RTN4: variants seen among roughly 807,000 people sequenced by gnomAD.
The protein encoded by RTN4 is reticulon-4.
In RTN4, 32 loss-of-function variants were observed where a neutral mutation model predicts 90.4. The ratio of observed to expected loss-of-function variants is 0.35; its 90% CI spans 0.27 to 0.48. The LOEUF is 0.48. RTN4 is among the 20% of genes least tolerant of loss of function. The probability of loss-of-function intolerance (pLI) is 0.99; values close to 1 mark genes in which losing one functional copy is unlikely to be tolerated. For synonymous variants in RTN4, 629 were observed against 552.5 expected (o/e 1.14, Z -1.94); for missense variants, 1,706 against 1,430.2 (o/e 1.19, Z -3.11).
intron 3 of RTN4, among the ~76,000 whole-genome samples, chr2:55,000,794 T>C (rs1044635407): frequency 3.9e-5 from 6 of 152,166 alleles, no homozygotes; most frequent in African/African-American, 1.2e-4. Context: ...TACTTGAGAA[T>C]ACCAAATGCT....
intron 1 of RTN4, among the ~76,000 whole-genome samples, chr2:55,033,203 AAGAT>A (rs1271526774): frequency 6.6e-6 from 1 of 152,160 alleles, no homozygotes; most frequent in Non-Finnish European, 1.5e-5. Flanking sequence ...CTGAAAATCA[AAGAT>A]AGAGACAACC....
the RTN4 span, among the ~76,000 whole-genome samples, chr2:55,132,236 C>T: frequency 6.6e-6 from 1 of 152,188 alleles, no homozygotes; most frequent in African/African-American, 2.4e-5. Context: ...GGCGCAGTGG[C>T]TCATGCTTGC....
chr2:55,047,755 C>CT (rs1350283285), intron 1 of RTN4, among the ~76,000 whole-genome samples: 1 of 152,140 alleles, frequency 6.6e-6, no homozygotes, highest in Non-Finnish European at 1.5e-5. Context: ...ATGAATGTAT[C>CT]TAATATTATG....
At position 54,982,671 on chromosome 2, in the gene RTN4, T is replaced by A; in HGVS notation, c.3222-18A>T. 2.5e-6 allele frequency: 4 copies of A among 1,585,360 alleles called. No individual in the cohort carries two copies. Among genetic ancestry groups the A allele is most frequent in the Non-Finnish European group, 3.4e-6 (4 of 1,168,354 alleles). On this transcript the variant is annotated intron_variant, in intron 4 of 8. Coordinates refer to ENST00000337526, the MANE Select transcript of RTN4 (RefSeq NM_020532.5). ...GATATGCCCTAGAAAACAAAACACA[T>A]CATAATTGTCACTAATTGGAGTGAT...
chr2:55,091,594 G>A (rs1041428735), intron 1 of RTN4, among the ~76,000 whole-genome samples: 4 of 152,198 alleles, frequency 2.6e-5, no homozygotes, highest in Admixed American at 1.3e-4. Context: ...GTGGGAGGCC[G>A]AGGCAGGAGG....
chr2:54,998,917 T>C (rs1368698181), intron 3 of RTN4, among the ~76,000 whole-genome samples: 1 of 152,192 alleles, frequency 6.6e-6, no homozygotes, highest in Non-Finnish European at 1.5e-5. Flanking sequence ...CCTTCTATAC[T>C]GCAGAATAAA....
chr2:55,049,608 G>C (rs992457359), intron 1 of RTN4, 137 bp downstream of exon 1: 2 of 1,409,962 alleles, frequency 1.4e-6, no homozygotes, highest in Non-Finnish European at 2.0e-6. Context: ...CAACCAGACG[G>C]GGCGCCATCG....
In RTN4 at chr2:54,973,838, T is replaced by C. The variant is rs201008627; in HGVS notation, c.3460A>G (p.Ile1154Val). Reference sequence around the variant, plus strand: ...GAAATTACCTGATGCCGTTCATAAATAACAGGAACACTGAAGAGTGAAATG... The same window carrying C: ...GAAATTACCTGATGCCGTTCATAAACAACAGGAACACTGAAGAGTGAAATG... Reference protein sequence around the residue: ...ALISLFSVPVIYERHQAQIDH... With the variant: ...ALISLFSVPVVYERHQAQIDH... The change falls in exon 7 of 9, where the codon ATT (isoleucine) becomes GTT (valine). Residue 1154 changes from isoleucine to valine, a missense_variant. Ile to Val is a conservative substitution (Grantham distance 29). Transcript: ENST00000337526. The C allele has an allele frequency of 4.7e-5, 76 of 1,613,282 alleles. No homozygotes were observed. The Middle Eastern group carries it at 6.6e-4, about 14-fold the overall frequency.
At chr2:55,114,560 G>A (rs1034715117), upstream of RTN4, among the ~76,000 whole-genome samples, 1 of 152,166 alleles carries the variant, frequency 6.6e-6, no homozygotes, top group African/African-American at 2.4e-5. Context: ...TTAGATGAGC[G>A]TGGTGACGCA....
chr2:55,008,328 T>C (rs146039214), intron 3 of RTN4, among the ~76,000 whole-genome samples: 54 of 152,222 alleles, frequency 3.5e-4, no homozygotes, highest in African/African-American at 1.3e-3. Context: ...GCTGTCAAAC[T>C]ATTTTTTTTT....
In RTN4 at chr2:54,981,295, T is replaced by A. The variant is rs549059590; in HGVS notation, c.3360+1220A>T. ...CTAAAATGTTTTTGTTTTTTTTTTT[T>A]AAAAAGCACTTTAAGCACTTAAACC... is the stretch of plus-strand genomic sequence containing the variant. On this transcript the variant is annotated intron_variant, in intron 5 of 8. Coordinates refer to ENST00000337526, the MANE Select transcript of RTN4 (RefSeq NM_020532.5). 9.7e-4 allele frequency among the ~76,000 whole-genome samples: 146 copies of A among 150,996 alleles called. 2 individuals are homozygous for A. The highest frequency in any genetic ancestry group is 2.7e-3 in the South Asian group (13 of 4,796).
At chr2:55,043,821 G>A (rs1023805240) in intron 1 of RTN4, among the ~76,000 whole-genome samples, 3 of 152,046 alleles carry the variant, frequency 2.0e-5, no homozygotes, top group Non-Finnish European at 4.4e-5. Flanking sequence ...AGGAGGTGGA[G>A]GTTGCAGTGA....
chr2:55,020,874 G>A (rs1194070847), intron 3 of RTN4, among the ~76,000 whole-genome samples: 1 of 151,916 alleles, frequency 6.6e-6, no homozygotes, highest in African/African-American at 2.4e-5. Context: ...ATAGTGACAC[G>A]AGCCTTTGGT....
intron 1 of RTN4, among the ~76,000 whole-genome samples, chr2:55,089,018 C>T (rs1050571986): frequency 2.0e-5 from 3 of 152,006 alleles, no homozygotes; most frequent in Admixed American, 1.3e-4. Context: ...CTGCAACCTC[C>T]GCCTCCTGGG....
At chr2:55,132,205 G>A in the RTN4 span, among the ~76,000 whole-genome samples, 1 of 152,154 alleles carries the variant, frequency 6.6e-6, no homozygotes, top group East Asian at 1.9e-4. Flanking sequence ...ACTTTTATGT[G>A]TGTTTGAAAC....
chr2:55,077,912 A>C (rs748338329), intron 2 of RTN4, among the ~76,000 whole-genome samples: 50 of 152,130 alleles, frequency 3.3e-4, no homozygotes, highest in Non-Finnish European at 6.2e-4. Context: ...CTTAGAATGG[A>C]AAACCAGACA....
intron 1 of RTN4, among the ~76,000 whole-genome samples, chr2:55,038,088 A>T (rs1682813898): frequency 6.6e-6 from 1 of 152,190 alleles, no homozygotes; most frequent in African/African-American, 2.4e-5. Context: ...TATGGAAAAG[A>T]AACAAATAAA....
chr2:55,120,443 G>T, the RTN4 span, among the ~76,000 whole-genome samples: 1 of 151,952 alleles, frequency 6.6e-6, no homozygotes, highest in African/African-American at 2.4e-5. Flanking sequence ...GCTTTACAAC[G>T]GGCCCTTCCT....
chr2:55,121,658 A>C, the RTN4 span, among the ~76,000 whole-genome samples: 1 of 152,154 alleles, frequency 6.6e-6, no homozygotes, highest in Non-Finnish European at 1.5e-5. Context: ...ATTGTCATCG[A>C]CCATTATTCT....
Sources: gnomAD v4.1 joint callset for allele counts (sites outside exome capture counted in the v4.1 genomes callset) on GRCh38, gnomAD v4.1.1 for gene constraint, MANE v1.5 for transcripts, NCBI Gene and HGNC (gene_info 2026-07-23, HGNC 2026-07-21) for gene names.